Variants in IGSF9B observed in about 807,000 individuals in gnomAD.
IGSF9B encodes the protein immunoglobulin superfamily member 9B.
In IGSF9B, 48 loss-of-function variants were observed where a neutral mutation model predicts 143.7. The observed-to-expected ratio is 0.33, with a 90% confidence interval of 0.26 to 0.42. The LOEUF (loss-of-function observed/expected upper bound fraction) is 0.42. IGSF9B is among the 20% of genes least tolerant of loss of function. The pLI, the probability that IGSF9B is intolerant of heterozygous loss-of-function variation, is 1.00. For missense variants in IGSF9B, 1,706 were observed against 1,980.0 expected (o/e 0.86, Z 2.63); for synonymous variants, 903 against 833.1 (o/e 1.08, Z -1.44).
rs1178637583 is a variant in IGSF9B at position 133,908,979 on chromosome 11, G to T, written c.*90C>A. On this transcript the variant is annotated 3_prime_UTR_variant, in exon 20 of 20. Transcript: ENST00000533871. ...CAGGACAAAGGTCTGGGCCGCCCTT[G>T]GCAGACGGAGGAGGACACACCCCCA... The T allele has an allele frequency of 1.7e-6, 2 of 1,155,478 alleles. No homozygotes were observed. Among genetic ancestry groups the T allele is most frequent in the Non-Finnish European group, 2.5e-6 (2 of 816,212 alleles). The allele number at this position is 1,155,478 out of a possible 1,614,324, so 71.6% of individuals were successfully genotyped here.
intron 1 of IGSF9B, chr11:133,952,297 A>G (rs968223553): frequency 3.4e-6 from 1 of 297,238 alleles, no homozygotes; most frequent in African/African-American, 2.2e-5. Flanking sequence ...GGAGTGAGCA[A>G]CTGAGACACA....
chr11:133,918,833 G>C (rs1404391597), intron 18 of IGSF9B, among the ~76,000 whole-genome samples: 1 of 151,772 alleles, frequency 6.6e-6, no homozygotes, highest in Non-Finnish European at 1.5e-5. Context: ...GAGGGCGGGG[G>C]ACGGGGTATC....
chr11:133,949,429 A>T (rs560740763), intron 1 of IGSF9B, among the ~76,000 whole-genome samples: 58 of 152,094 alleles, frequency 3.8e-4, no homozygotes, highest in Non-Finnish European at 7.5e-4. Context: ...CTAATAACAC[A>T]CTCTCTCCAG....
intron 3 of IGSF9B, among the ~76,000 whole-genome samples, chr11:133,940,946 TGCCTGCCCG>T (rs1444032793): frequency 6.6e-6 from 1 of 152,220 alleles, no homozygotes. Flanking sequence ...ACACAGCCCC[TGCCTGCCCG>T]GCCTGCCCCT....
chr11:133,928,809 C>T lies in IGSF9B; in HGVS notation c.1631+862G>A, dbSNP rs1239459268. 6.6e-6 allele frequency among the ~76,000 whole-genome samples: 1 copy of T among 152,158 alleles called. No homozygotes were observed. Among genetic ancestry groups the T allele is most frequent in the Non-Finnish European group, 1.5e-5 (1 of 68,034 alleles). On this transcript the variant is annotated intron_variant, in intron 12 of 19. Coordinates refer to ENST00000533871, the MANE Select transcript of IGSF9B (RefSeq NM_001277285.4). This position sits in a 1 kb window ranked among gnomAD's most constrained non-coding sequence, Gnocchi z 4.7. ...AGATCTGTATCTACCCTAAGGTTTG[C>T]GCAAAGACCTCATATGACTGCATCT... is the stretch of plus-strand genomic sequence containing the variant.
Position 133,913,751 on chromosome 11 carries a change from G to GT in IGSF9B, c.3984-1745dup, listed in dbSNP as rs1190112593. On this transcript the variant is annotated intron_variant, in intron 18 of 19. Transcript: ENST00000533871. This position sits in a 1 kb window ranked among gnomAD's most constrained non-coding sequence, Gnocchi z 4.6. ...GCGGGAAGGCAGACAAAGGGTGCAG[G>GT]TGCCCGGGCGGGAGGCAGCACACCT... Among the ~76,000 whole-genome samples, 1 of 152,212 alleles carries GT rather than the reference G, an allele frequency of 6.6e-6. No individual in the cohort carries two copies. Among genetic ancestry groups the GT allele is most frequent in the African/African-American group, 2.4e-5 (1 of 41,464 alleles).
rs1169528245 is a variant in IGSF9B at position 133,903,831 on chromosome 11, T to C, written c.*5238A>G. On this transcript the variant is annotated 3_prime_UTR_variant, in exon 20 of 20. Coordinates refer to ENST00000533871, the MANE Select transcript of IGSF9B (RefSeq NM_001277285.4). Reference sequence around the variant, plus strand: ...ATTCACTCGCAGTCAGAGGGAAGGGTGGTGATTGGTACCCCTAGCCAAACA... The same window carrying C: ...ATTCACTCGCAGTCAGAGGGAAGGGCGGTGATTGGTACCCCTAGCCAAACA... Among the ~76,000 whole-genome samples, 1 of 151,966 alleles carries C rather than the reference T, an allele frequency of 6.6e-6. No homozygotes were observed. Among genetic ancestry groups the C allele is most frequent in the African/African-American group, 2.4e-5 (1 of 41,390 alleles).
intron 3 of IGSF9B, among the ~76,000 whole-genome samples, chr11:133,941,357 A>G (rs925793845): frequency 6.6e-5 from 10 of 152,220 alleles, no homozygotes; most frequent in African/African-American, 2.4e-4. Flanking sequence ...GTCTGTTTCC[A>G]CCCAACTGGT....
At chr11:133,916,874 C>T (rs1362701962) in intron 18 of IGSF9B, among the ~76,000 whole-genome samples, 1 of 151,990 alleles carries the variant, frequency 6.6e-6, no homozygotes, top group Non-Finnish European at 1.5e-5. Context: ...GGTCTCTGGG[C>T]GCAGGAGGGC....
At chr11:133,941,225 GCCC>G (rs1279532621) in intron 3 of IGSF9B, among the ~76,000 whole-genome samples, 1 of 152,146 alleles carries the variant, frequency 6.6e-6, no homozygotes, top group Admixed American at 6.5e-5. Flanking sequence ...TTTTACAAGA[GCCC>G]TGTAATTAAT....
At chr11:133,936,947 A>C (rs1939834990) in intron 5 of IGSF9B, among the ~76,000 whole-genome samples, 1 of 152,222 alleles carries the variant, frequency 6.6e-6, no homozygotes, top group Non-Finnish European at 1.5e-5. Context: ...TACAGACCCC[A>C]GCTCTGCCAA....
rs535553181 is a variant in IGSF9B at position 133,945,503 on chromosome 11, G to A, written c.262+558C>T. ...ACACACCCACGCCCTCCTCTCCCGCGGGCTGGGGGGCAGGCAGCGGCAGTG... is the reference window on the plus strand; with the variant it reads ...ACACACCCACGCCCTCCTCTCCCGCAGGCTGGGGGGCAGGCAGCGGCAGTG... On this transcript the variant is annotated intron_variant, in intron 2 of 19. Coordinates refer to ENST00000533871, the MANE Select transcript of IGSF9B (RefSeq NM_001277285.4). This position sits in a 1 kb window ranked among gnomAD's most constrained non-coding sequence, Gnocchi z 4.6. Among the ~76,000 whole-genome samples the A allele has an allele frequency of 5.3e-5, 8 of 152,204 alleles. No homozygotes were observed. Among genetic ancestry groups the A allele is most frequent in the African/African-American group, 1.2e-4 (5 of 41,542 alleles).
At position 133,921,056 on chromosome 11, in the gene IGSF9B, C is replaced by A. The variant is rs761729959; in HGVS notation, c.2669G>T (p.Arg890Leu). The change falls in exon 18 of 20, where the codon CGC (arginine) becomes CTC (leucine). Residue 890 changes from arginine to leucine, a missense_variant. Arg to Leu is a moderately radical substitution (Grantham distance 102). Coordinates refer to ENST00000533871, the MANE Select transcript of IGSF9B (RefSeq NM_001277285.4). ...GTCCTCGTTCTCCTCGTCCGACTGG[C>A]GGAACTCGGGGTACATGTCCGTCTC... ...AEETDMYPEFRQSDEENEDPL... is the reference protein window; with the variant it reads ...AEETDMYPEFLQSDEENEDPL... The A allele has an allele frequency of 3.1e-6, 5 of 1,613,876 alleles. No homozygotes were observed. The Admixed American group carries it at 6.7e-5, about 22-fold the overall frequency.
At chr11:133,935,419 GA>G (rs1332434093) in intron 7 of IGSF9B, among the ~76,000 whole-genome samples, 197 bp downstream of exon 7, 1 of 152,196 alleles carries the variant, frequency 6.6e-6, no homozygotes, top group Admixed American at 6.5e-5. Flanking sequence ...CCTGGCCAGC[GA>G]AGTAGGAGCT....
rs374963897 is a variant in IGSF9B at position 133,931,036 on chromosome 11, G to A, written c.1467C>T (p.Val489=). The change falls in exon 11 of 20, where the codon GTC becomes GTT. Residue 489 remains valine, a synonymous_variant. Coordinates refer to ENST00000533871, the MANE Select transcript of IGSF9B (RefSeq NM_001277285.4). The surrounding 1 kb of genome is among the most constrained non-coding windows in gnomAD (Gnocchi z 7.7). The stretch of plus-strand genomic sequence containing the variant: ...TGATGCTCGTGACCACGTTGGTGGC[G>A]ACACATTCCCACTCCCCGTGGTCCT... ...SKEDHGEWEC[V]ATNVVTSITA... is the part of the protein sequence containing the mutation. 8.4e-5 allele frequency: 135 copies of A among 1,613,628 alleles called. No individual in the cohort carries two copies. The African/African-American group carries it at 1.2e-3, about 14-fold the overall frequency.
In IGSF9B at chr11:133,911,988, C is replaced by T. The variant is rs1333765285; in HGVS notation, c.4003G>A (p.Gly1335Arg). The T allele has an allele frequency of 2.7e-5, 42 of 1,531,564 alleles. No homozygotes were observed. Among genetic ancestry groups the T allele is most frequent in the East Asian group, 9.8e-5 (4 of 40,878 alleles). 94.9% of individuals were successfully genotyped at this position (1,531,564 alleles called of 1,614,324 possible). A position where few individuals can be genotyped will look rare whatever the true frequency, so the allele number is the denominator to read the frequency against. Reference sequence around the variant, plus strand: ...AGCCTCTCAGGCGCAGCAGCGTTCCCGGGTGCAGGTGGAAGTGTTCTGGAA... The same window carrying T: ...AGCCTCTCAGGCGCAGCAGCGTTCCTGGGTGCAGGTGGAAGTGTTCTGGAA... Reference protein sequence around the residue: ...PTSGTLPPAPGNAAAPERLEA... With the variant: ...PTSGTLPPAPRNAAAPERLEA... The change falls in exon 19 of 20, where the codon GGG (glycine) becomes AGG (arginine). Residue 1335 changes from glycine to arginine, a missense_variant. Around this residue, in one of 7 missense-constraint regions of IGSF9B, gnomAD observed 880 missense variants for 762.9 expected, o/e 1.15. Coordinates refer to ENST00000533871, the MANE Select transcript of IGSF9B (RefSeq NM_001277285.4).
At position 133,919,890 on chromosome 11, in the gene IGSF9B, C is replaced by T. The variant is rs148045307; in HGVS notation, c.3835G>A (p.Ala1279Thr). The T allele has an allele frequency of 4.1e-3, 6,468 of 1,585,618 alleles. 96 individuals are homozygous for T. The African/African-American group carries it at 0.044, about 11-fold the overall frequency. The change falls in exon 18 of 20, where the codon GCC becomes ACC. Residue 1279 changes from alanine (A) to threonine (T), a missense_variant. Around this residue, in one of 7 missense-constraint regions of IGSF9B, gnomAD observed 880 missense variants for 762.9 expected, o/e 1.15. Coordinates refer to ENST00000533871, the MANE Select transcript of IGSF9B (RefSeq NM_001277285.4). The part of the protein sequence containing the change: ...YRPAMGFTTL[A>T]TGYPSPPPGP... ...GGTGGAGGGGAAGGGTAGCCGGTGGCCAGAGTGGTGAAGCCCATGGCGGGC... is the reference window on the plus strand; with the variant it reads ...GGTGGAGGGGAAGGGTAGCCGGTGGTCAGAGTGGTGAAGCCCATGGCGGGC...
rs773961233 is a variant in IGSF9B at position 133,920,716 on chromosome 11, G to C, written c.3009C>G (p.Thr1003=). Residue 1003 remains threonine (T), a synonymous_variant, in exon 18 of 20, where the codon ACC becomes ACG. Coordinates refer to ENST00000533871, the MANE Select transcript of IGSF9B (RefSeq NM_001277285.4). ...SSVMSSPPLP[T]EGPFGHPTIP... is the part of the protein sequence containing the mutation. ...TGGTGGGGTGGCCAAAGGGCCCCTC[G>C]GTGGGCAGGGGCGGGGACGACATGA... 1.2e-6 allele frequency: 2 copies of C among 1,613,040 alleles called. No individual in the cohort carries two copies. The highest frequency in any genetic ancestry group is 1.7e-6 in the Non-Finnish European group (2 of 1,179,422).
intron 15 of IGSF9B, among the ~76,000 whole-genome samples, chr11:133,923,854 T>C (rs931254165): frequency 6.6e-6 from 1 of 152,236 alleles, no homozygotes; most frequent in African/African-American, 2.4e-5. Flanking sequence ...ACACCCCTTC[T>C]TCAGCTCCAG....
Sources: allele counts gnomAD v4.1 joint callset (sites outside exome capture counted in the v4.1 genomes callset), GRCh38; gene constraint gnomAD v4.1.1; regional missense constraint gnomAD v4.1.1; non-coding constraint Gnocchi (gnomAD v3.1); transcripts MANE v1.5; gene names NCBI Gene and HGNC (gene_info 2026-07-23, HGNC 2026-07-21).